The following LINGO2 variants were observed in gnomAD, a reference collection of about 807,000 sequenced individuals.
LINGO2 encodes the protein leucine-rich repeat and immunoglobulin-like domain-containing nogo receptor-interacting protein 2.
In LINGO2, 14 loss-of-function variants were observed where a neutral mutation model predicts 30.6. The ratio of observed to expected loss-of-function variants is 0.46; its 90% CI spans 0.30 to 0.72. LINGO2 has a LOEUF of 0.72. LINGO2 is among the 30% of genes least tolerant of loss of function. LINGO2 has a pLI of 0.07. For missense variants in LINGO2, 729 were observed against 751.7 expected (o/e 0.97, Z 0.35); for synonymous variants, 317 against 288.5 (o/e 1.10, Z -1.00).
At chr9:28,768,761 T>A in the LINGO2 span, among the ~76,000 whole-genome samples, 2 of 152,202 alleles carry the variant, frequency 1.3e-5, no homozygotes, top group Admixed American at 6.5e-5. Flanking sequence ...CTTCATGGCT[T>A]TTACTGAACT....
At chr9:29,180,589 G>A in the LINGO2 span, among the ~76,000 whole-genome samples, 1 of 152,188 alleles carries the variant, frequency 6.6e-6, no homozygotes, top group South Asian at 2.1e-4. Flanking sequence ...GATGTCCTGT[G>A]TCTCTAGGTT....
chr9:28,480,311 T>A (rs1291816477), intron 1 of LINGO2, among the ~76,000 whole-genome samples: 1 of 151,984 alleles, frequency 6.6e-6, no homozygotes, highest in African/African-American at 2.4e-5. Context: ...CTATCTTCAA[T>A]AATTTCTTTG....
At chr9:28,974,347 A>C in the LINGO2 span, among the ~76,000 whole-genome samples, 1 of 152,210 alleles carries the variant, frequency 6.6e-6, no homozygotes, top group Non-Finnish European at 1.5e-5. Flanking sequence ...TGGAGGTTGC[A>C]GTGAGCCAAG....
chr9:29,121,765 C>T, the LINGO2 span, among the ~76,000 whole-genome samples: 11 of 152,144 alleles, frequency 7.2e-5, no homozygotes, highest in African/African-American at 2.4e-4. Flanking sequence ...ACTCCAGCTT[C>T]CCTTCTAGCT....
the LINGO2 span, among the ~76,000 whole-genome samples, chr9:29,202,404 T>A: frequency 6.6e-6 from 1 of 151,992 alleles, no homozygotes. Flanking sequence ...TATTAGTAAG[T>A]ACCAGATTAT....
At chr9:28,537,665 T>C (rs1456864649) in intron 1 of LINGO2, among the ~76,000 whole-genome samples, 1 of 151,944 alleles carries the variant, frequency 6.6e-6, no homozygotes, top group Non-Finnish European at 1.5e-5. Flanking sequence ...AGAATTAAAC[T>C]CAGAGAAAGA....
chr9:28,438,863 T>C (rs1028552405), intron 2 of LINGO2, among the ~76,000 whole-genome samples: 42 of 146,108 alleles, frequency 2.9e-4, no homozygotes, highest in African/African-American at 9.7e-4. Flanking sequence ...GAGATATATA[T>C]ATTTATACAT....
exon 6 of LINGO2, chr9:27,948,193 C>T (rs1823441540): frequency 6.6e-6 from 1 of 152,194 alleles, no homozygotes; most frequent in African/African-American, 2.4e-5. Flanking sequence ...ACACATCTCT[C>T]AAAATATCTC....
At chr9:28,787,433 G>A in the LINGO2 span, among the ~76,000 whole-genome samples, 1 of 152,044 alleles carries the variant, frequency 6.6e-6, no homozygotes, top group Non-Finnish European at 1.5e-5. Context: ...CATCTTGTAG[G>A]ATAAATAATT....
intron 1 of LINGO2, among the ~76,000 whole-genome samples, chr9:28,640,570 T>C (rs1268781761): frequency 6.6e-6 from 1 of 151,868 alleles, no homozygotes; most frequent in East Asian, 1.9e-4. Flanking sequence ...CTTTATTTCA[T>C]TCATTTGATC....
intron 1 of LINGO2, among the ~76,000 whole-genome samples, chr9:28,500,114 T>G (rs997751538): frequency 1.3e-5 from 2 of 152,148 alleles, no homozygotes; most frequent in South Asian, 2.1e-4. Context: ...TGCTGAATCT[T>G]TTGGTAACAG....
chr9:28,289,803 T>G (rs2134162939), intron 4 of LINGO2, among the ~76,000 whole-genome samples: 1 of 152,278 alleles, frequency 6.6e-6, no homozygotes, highest in Middle Eastern at 3.4e-3. Flanking sequence ...TCTCTCCCTT[T>G]TTGGAAATAG....
chr9:28,187,584 A>G (rs887027280), intron 4 of LINGO2, among the ~76,000 whole-genome samples: 1 of 152,126 alleles, frequency 6.6e-6, no homozygotes, highest in Non-Finnish European at 1.5e-5. Flanking sequence ...ATGAAGAAGA[A>G]GACTGTAGGA....
At chr9:28,949,114 A>G in the LINGO2 span, among the ~76,000 whole-genome samples, 2 of 152,138 alleles carry the variant, frequency 1.3e-5, no homozygotes, top group African/African-American at 2.4e-5. Flanking sequence ...AGCAGTGTTT[A>G]GAGGGAAATT....
At chr9:28,891,096 C>T in the LINGO2 span, among the ~76,000 whole-genome samples, 1 of 151,838 alleles carries the variant, frequency 6.6e-6, no homozygotes. Flanking sequence ...TGCAGATATA[C>T]AAAGATGACA....
downstream of LINGO2, among the ~76,000 whole-genome samples, chr9:27,946,075 C>G (rs1438157461): frequency 6.6e-6 from 1 of 152,054 alleles, no homozygotes; most frequent in East Asian, 1.9e-4. Context: ...AGTAGACCAA[C>G]CGGGGTTCTA....
At chr9:28,740,392 A>G in the LINGO2 span, among the ~76,000 whole-genome samples, 47 of 151,806 alleles carry the variant, frequency 3.1e-4, 1 homozygote, top group Non-Finnish European at 6.8e-4. Context: ...TCTCCCTTCC[A>G]TCATATCAGT....
intron 1 of LINGO2, among the ~76,000 whole-genome samples, chr9:28,630,058 G>A (rs1415777338): frequency 6.6e-6 from 1 of 151,826 alleles, no homozygotes; most frequent in Non-Finnish European, 1.5e-5. Context: ...TACTGAGAAT[G>A]ATGATTTCCA....
the LINGO2 span, among the ~76,000 whole-genome samples, chr9:29,075,887 T>C: frequency 6.6e-6 from 1 of 152,194 alleles, no homozygotes; most frequent in Non-Finnish European, 1.5e-5. Flanking sequence ...AGCTATATTC[T>C]TTATTTTTTT....
Sources: gnomAD v4.1 joint callset for allele counts (sites outside exome capture counted in the v4.1 genomes callset) on GRCh38, gnomAD v4.1.1 for gene constraint, MANE v1.5 for transcripts, NCBI Gene and HGNC (gene_info 2026-07-23, HGNC 2026-07-21) for gene names.